PCSK5: variants seen among roughly 807,000 people sequenced by gnomAD.
PCSK5 encodes the protein prohormone convertase 5.
A neutral mutation model predicts 233.2 loss-of-function variants in PCSK5; 129 were observed. That is an observed-to-expected ratio of 0.55 (90% confidence interval 0.48 to 0.64). The LOEUF (loss-of-function observed/expected upper bound fraction) is 0.64, where lower values mean the gene tolerates loss of function less well. PCSK5 is among the 30% of genes least tolerant of loss of function. The pLI is 0.00. For synonymous variants in PCSK5, 825 were observed against 879.2 expected (o/e 0.94, Z 1.09); for missense variants, 2,076 against 2,430.1 (o/e 0.85, Z 3.06).
At chr9:76,323,859 T>G (rs2131465250) in intron 32 of PCSK5, among the ~76,000 whole-genome samples, 1 of 152,142 alleles carries the variant, frequency 6.6e-6, no homozygotes, top group East Asian at 1.9e-4. Context: ...ACCTGAGACT[T>G]TTCTTGATAA....
rs1830361513 is a variant in PCSK5 at position 76,358,600 on chromosome 9, T to G, written c.5342T>G (p.Val1781Gly). ...ALFITSSMML[V>G]LLLGAAVVVW... ...TTCATCACCTCCTCCATGATGCTGG[T>G]GCTTCTGCTCGGGGCAGCTGTGGTA... The change falls in exon 38 of 38, where the codon GTG becomes GGG. Residue 1781 changes from valine (V) to glycine (G), a missense_variant. By Grantham distance (109) the Val-to-Gly change is moderately radical. Around this residue, in one of 6 missense-constraint regions of PCSK5, gnomAD observed 1,510 missense variants for 1,538.1 expected, o/e 0.98. Coordinates refer to ENST00000674117, the MANE Select transcript of PCSK5 (RefSeq NM_001372043.1). The G allele has an allele frequency of 1.9e-6, 3 of 1,612,818 alleles. No individual in the cohort carries two copies. The highest frequency in any genetic ancestry group is 2.5e-6 in the Non-Finnish European group (3 of 1,179,884).
At chr9:75,968,329 A>G (rs1404042863) in intron 2 of PCSK5, among the ~76,000 whole-genome samples, 1 of 152,242 alleles carries the variant, frequency 6.6e-6, no homozygotes, top group Non-Finnish European at 1.5e-5. Flanking sequence ...AGTATATCAC[A>G]GGGTCCTGTT....
At chr9:75,966,856 C>A (rs1825607832) in intron 2 of PCSK5, among the ~76,000 whole-genome samples, 2 of 152,158 alleles carry the variant, frequency 1.3e-5, no homozygotes, top group Non-Finnish European at 2.9e-5. Context: ...TTTTGTCCAT[C>A]CTATTTCTAC....
At chr9:76,297,743 C>T (rs1387775231) in intron 27 of PCSK5, among the ~76,000 whole-genome samples, 2 of 152,160 alleles carry the variant, frequency 1.3e-5, no homozygotes, top group African/African-American at 2.4e-5. Context: ...AGGGTCACTT[C>T]GGTGCAAAGG....
At chr9:76,209,884 T>C (rs1006691429) in intron 20 of PCSK5, among the ~76,000 whole-genome samples, 1 of 152,060 alleles carries the variant, frequency 6.6e-6, no homozygotes, top group African/African-American at 2.4e-5. Context: ...TGCATAATGA[T>C]GTGGTAGGAA....
intron 3 of PCSK5, among the ~76,000 whole-genome samples, chr9:76,017,219 C>T (rs942063589): frequency 2.0e-5 from 3 of 152,172 alleles, no homozygotes; most frequent in Non-Finnish European, 2.9e-5. Flanking sequence ...CCCACGACCT[C>T]AAATGTAAAA....
At chr9:75,976,803 CAT>C (rs1344780642) in intron 2 of PCSK5, among the ~76,000 whole-genome samples, 1 of 151,708 alleles carries the variant, frequency 6.6e-6, no homozygotes, top group African/African-American at 2.4e-5. Context: ...AATGTTTAAT[CAT>C]ATTTAATATT....
At chr9:76,252,279 T>A (rs921931180) in intron 24 of PCSK5, among the ~76,000 whole-genome samples, 31 of 151,368 alleles carry the variant, frequency 2.0e-4, no homozygotes, top group East Asian at 5.8e-4. Flanking sequence ...TCAGAAAAAA[T>A]AATAATAATA....
chr9:75,996,929 T>A (rs7861693), intron 3 of PCSK5, among the ~76,000 whole-genome samples: 2,351 of 152,218 alleles, frequency 0.015, 53 homozygotes, highest in African/African-American at 0.047. Context: ...TCTGTGGTTG[T>A]CTTCCTGAAC....
chr9:75,991,184 C>T (rs1247294417), intron 3 of PCSK5, among the ~76,000 whole-genome samples: 1 of 152,184 alleles, frequency 6.6e-6, no homozygotes, highest in East Asian at 1.9e-4. Flanking sequence ...TGTTCAAACT[C>T]AGCCATTTAC....
chr9:76,343,309 C>A (rs1829886647), intron 35 of PCSK5, among the ~76,000 whole-genome samples: 1 of 150,824 alleles, frequency 6.6e-6, no homozygotes, highest in African/African-American at 2.4e-5. Flanking sequence ...GGATTACAGG[C>A]ACACACCACC....
intron 2 of PCSK5, among the ~76,000 whole-genome samples, chr9:75,943,082 G>A (rs928852994): frequency 8.6e-5 from 13 of 151,530 alleles, no homozygotes; most frequent in Non-Finnish European, 1.2e-4. Context: ...ACGGGGTTTC[G>A]CCATGTTGGC....
intron 2 of PCSK5, among the ~76,000 whole-genome samples, chr9:75,961,176 C>T (rs908383431): frequency 4.6e-5 from 7 of 152,160 alleles, no homozygotes; most frequent in East Asian, 1.9e-4. Context: ...GTCACTGCAT[C>T]GGGTGCCTCT....
intron 24 of PCSK5, among the ~76,000 whole-genome samples, chr9:76,251,870 G>GC (rs749658403): frequency 6.6e-6 from 1 of 151,970 alleles, no homozygotes. Flanking sequence ...ACCCTGAATA[G>GC]CCCCAGACCA....
chr9:76,315,641 A>ATTTTTTTTTTTTTTTTTTTTTTTTT (rs777066898), intron 30 of PCSK5, among the ~76,000 whole-genome samples: 1 of 139,102 alleles, frequency 7.2e-6, no homozygotes. Flanking sequence ...GGAGAAGACT[A>ATTTTTTTTTTTTTTTTTTTTTTTTT]CTTTTTTTTT....
intron 30 of PCSK5, among the ~76,000 whole-genome samples, chr9:76,314,981 A>T (rs1319052520): frequency 4.2e-5 from 6 of 141,442 alleles, no homozygotes; most frequent in African/African-American, 1.3e-4. Context: ...TTTTTCTGAG[A>T]TGGAGTTTCA....
At chr9:76,337,548 A>G (rs868129861) in intron 34 of PCSK5, among the ~76,000 whole-genome samples, 1 of 151,942 alleles carries the variant, frequency 6.6e-6, no homozygotes, top group African/African-American at 2.4e-5. Context: ...ATCTCGGCTC[A>G]CTGCAACCTC....
chr9:76,124,469 G>A (rs542437916), intron 9 of PCSK5, among the ~76,000 whole-genome samples: 2 of 152,044 alleles, frequency 1.3e-5, no homozygotes, highest in South Asian at 2.1e-4. Context: ...AGAAGTGGCC[G>A]GGTGCAGTGG....
At chr9:76,203,240 A>G (rs1587754206) in intron 20 of PCSK5, among the ~76,000 whole-genome samples, 1 of 152,216 alleles carries the variant, frequency 6.6e-6, no homozygotes, top group Admixed American at 6.5e-5. Context: ...ATTAAAGCCA[A>G]TGCTTTAGGA....
Sources: allele counts gnomAD v4.1 joint callset (sites outside exome capture counted in the v4.1 genomes callset), GRCh38; gene constraint gnomAD v4.1.1; regional missense constraint gnomAD v4.1.1; transcripts MANE v1.5; gene names NCBI Gene and HGNC (gene_info 2026-07-23, HGNC 2026-07-21).